The following MTMR7 variants were observed in gnomAD, a reference collection of about 807,000 sequenced individuals.
MTMR7 encodes the protein phosphatidylinositol-3-phosphate phosphatase MTMR7.
MTMR7 carries 76 observed loss-of-function variants against 81.2 expected under a neutral mutation model. The ratio of observed to expected loss-of-function variants is 0.94; its 90% confidence interval spans 0.78 to 1.13. The LOEUF is 1.13. MTMR7 is among the 50% of genes most tolerant of loss of function. The pLI is 0.00. For missense variants in MTMR7, 1,044 were observed against 820.0 expected, an observed-to-expected ratio of 1.27 and a Z score of -3.34; for synonymous variants, 372 against 289.8, an observed-to-expected ratio of 1.28 and a Z score of -2.88.
At position 17,305,849 on chromosome 8, in the gene MTMR7, A is replaced by G; in HGVS notation, c.1260T>C (p.Asn420=). The G allele has an allele frequency of 6.2e-7, 1 of 1,613,686 alleles. No homozygotes were observed. The highest frequency in any genetic ancestry group is 8.5e-7 in the Non-Finnish European group (1 of 1,179,668). ...MEQFPCAFEF[N]ERFLIHIQHH... is the part of the protein sequence containing the mutation. Reference sequence around the variant, plus strand: ...GTTGAATGTGAATCAAAAACCTCTCATTGAACTCAAAGGCACAGGGAAATT... The same window carrying G: ...GTTGAATGTGAATCAAAAACCTCTCGTTGAACTCAAAGGCACAGGGAAATT... Residue 420 remains asparagine (N), a synonymous_variant, in exon 11 of 14, where the codon AAT becomes AAC. Coordinates refer to ENST00000180173, the MANE Select transcript of MTMR7 (RefSeq NM_004686.5).
intron 3 of MTMR7, among the ~76,000 whole-genome samples, chr8:17,361,649 GC>G (rs1820064795): frequency 6.6e-6 from 1 of 152,062 alleles, no homozygotes; most frequent in Admixed American, 6.5e-5. Context: ...TTTTTTTAAT[GC>G]CTATCAAGCT....
In MTMR7 at chr8:17,349,894, C is replaced by A. The variant is rs924901529; in HGVS notation, c.469-813G>T. ...TGGCTCTGACTGAGCAACTTCATGA[C>A]CCTGGGGAAGCCAAACTACACGGTG... On this transcript the variant is annotated intron_variant, in intron 4 of 13. Transcript: ENST00000180173. Among the ~76,000 whole-genome samples, 6 of 152,098 alleles carry A rather than the reference C, an allele frequency of 3.9e-5. No individual in the cohort carries two copies. The East Asian group carries it at 1.2e-3, about 29-fold the overall frequency.
intron 1 of MTMR7, among the ~76,000 whole-genome samples, chr8:17,380,352 C>A (rs760117317): frequency 4.6e-5 from 7 of 152,294 alleles, no homozygotes; most frequent in Admixed American, 2.0e-4. Flanking sequence ...TTAATCCCCA[C>A]AGTAACCCCC....
intron 6 of MTMR7, among the ~76,000 whole-genome samples, chr8:17,341,023 A>G (rs144392391): frequency 6.6e-6 from 1 of 152,254 alleles, no homozygotes; most frequent in African/African-American, 2.4e-5. Context: ...TTTTATTGTC[A>G]GAGCAGAAAG....
intron 4 of MTMR7, among the ~76,000 whole-genome samples, chr8:17,355,155 G>T (rs1819851375): frequency 6.6e-6 from 1 of 152,048 alleles, no homozygotes; most frequent in Non-Finnish European, 1.5e-5. Context: ...CACAAGATGT[G>T]GTTCAGTCTC....
At chr8:17,370,942 C>T in intron 3 of MTMR7, 95 bp downstream of exon 3, 8 of 1,242,720 alleles carry the variant, frequency 6.4e-6, no homozygotes, top group Non-Finnish European at 9.1e-6. Context: ...AATCCCTGAA[C>T]CCCTATCATT....
intron 1 of MTMR7, among the ~76,000 whole-genome samples, chr8:17,390,635 T>C (rs1048540564): frequency 1.3e-5 from 2 of 151,770 alleles, no homozygotes; most frequent in African/African-American, 4.8e-5. Context: ...GACTGGGTAA[T>C]TTATAAAGGA....
intron 7 of MTMR7, among the ~76,000 whole-genome samples, chr8:17,318,224 C>A (rs1379285640): frequency 6.6e-6 from 1 of 152,096 alleles, no homozygotes; most frequent in Admixed American, 6.5e-5. Flanking sequence ...TGCACGGAAG[C>A]CCCCAAGATA....
At chr8:17,379,230 T>C (rs1820686810) in intron 1 of MTMR7, among the ~76,000 whole-genome samples, 2 of 152,026 alleles carry the variant, frequency 1.3e-5, no homozygotes, top group African/African-American at 4.8e-5. Context: ...AGCATGAGGA[T>C]CATAACCCAT....
At position 17,354,476 on chromosome 8, in the gene MTMR7, A is replaced by G. The variant is rs542866295; in HGVS notation, c.469-5395T>C. On this transcript the variant is annotated intron_variant, in intron 4 of 13. Transcript: ENST00000180173. ...AAGAAATCTGAGCTTAGAGACTTAG[A>G]CTACCATAAGCAAGTGTCTTATAAA... 6.1e-4 allele frequency among the ~76,000 whole-genome samples: 93 copies of G among 152,338 alleles called. 1 individual carries two copies. Among genetic ancestry groups the G allele is most frequent in the Middle Eastern group, 3.4e-3 (1 of 294 alleles).
chr8:17,399,206 G>A (rs942727145), intron 1 of MTMR7, among the ~76,000 whole-genome samples: 38 of 152,134 alleles, frequency 2.5e-4, no homozygotes, highest in African/African-American at 8.9e-4. Flanking sequence ...CTTGTTTGCA[G>A]ATGATATGAT....
intron 4 of MTMR7, among the ~76,000 whole-genome samples, chr8:17,354,909 C>G (rs1250477944): frequency 6.6e-6 from 1 of 152,156 alleles, no homozygotes; most frequent in Non-Finnish European, 1.5e-5. Context: ...ATCAGAAAAT[C>G]CCCTAGGTTT....
intron 1 of MTMR7, among the ~76,000 whole-genome samples, chr8:17,407,545 T>C (rs557684256): frequency 3.9e-5 from 6 of 152,094 alleles, no homozygotes; most frequent in Admixed American, 1.3e-4. Flanking sequence ...AGGACATTAT[T>C]ATAATAGCCC....
At position 17,311,645 on chromosome 8, in the gene MTMR7, C is replaced by A. The variant is rs1199277825; in HGVS notation, c.976-9G>T. Reference sequence around the variant, plus strand: ...CCTTCCTCTGACACTGCCTAGAAAACACACGATCCGCAAAGAGTCACAAAG... The same window carrying A: ...CCTTCCTCTGACACTGCCTAGAAAAAACACGATCCGCAAAGAGTCACAAAG... On this transcript the variant is annotated splice_polypyrimidine_tract_variant and intron_variant, in intron 8 of 13. Coordinates refer to ENST00000180173, the MANE Select transcript of MTMR7 (RefSeq NM_004686.5). 6.2e-6 allele frequency: 10 copies of A among 1,613,956 alleles called. No individual in the cohort carries two copies. Among genetic ancestry groups the A allele is most frequent in the Non-Finnish European group, 8.5e-6 (10 of 1,179,928 alleles).
intron 6 of MTMR7, among the ~76,000 whole-genome samples, chr8:17,339,186 A>T (rs1253345165): frequency 2.0e-5 from 3 of 152,152 alleles, no homozygotes; most frequent in Non-Finnish European, 4.4e-5. Context: ...GTACACTTTT[A>T]AATGACTTGA....
chr8:17,360,290 G>C (rs1357869402), intron 4 of MTMR7, among the ~76,000 whole-genome samples: 1 of 152,110 alleles, frequency 6.6e-6, no homozygotes, highest in Non-Finnish European at 1.5e-5. Context: ...TATAATAACA[G>C]TGGCTATCTC....
chr8:17,379,256 G>A (rs1585107080), intron 1 of MTMR7, among the ~76,000 whole-genome samples: 1 of 152,280 alleles, frequency 6.6e-6, no homozygotes, highest in Non-Finnish European at 1.5e-5. Flanking sequence ...AGCAGCTTGA[G>A]GTGTCAACTC....
At chr8:17,342,249 C>T (rs896519170) in intron 5 of MTMR7, among the ~76,000 whole-genome samples, 7 of 152,172 alleles carry the variant, frequency 4.6e-5, no homozygotes, top group Admixed American at 2.6e-4. Context: ...TATAAAACTT[C>T]GGCTTTTGTG....
intron 1 of MTMR7, among the ~76,000 whole-genome samples, chr8:17,405,608 C>G (rs1821555445): frequency 6.6e-6 from 1 of 152,138 alleles, no homozygotes; most frequent in South Asian, 2.1e-4. Flanking sequence ...AGCTATTCCT[C>G]TCTTTCAAGG....
Sources: allele counts gnomAD v4.1 joint callset (sites outside exome capture counted in the v4.1 genomes callset), GRCh38; gene constraint gnomAD v4.1.1; transcripts MANE v1.5; gene names NCBI Gene and HGNC (gene_info 2026-07-23, HGNC 2026-07-21).